The following CLVS2 variants were observed in gnomAD, a reference collection of about 807,000 sequenced individuals.
CLVS2 encodes the protein clavesin-2.
A neutral mutation model predicts 29.0 loss-of-function variants in CLVS2; 19 were observed. The ratio of observed to expected loss-of-function variants is 0.66; its 90% confidence interval spans 0.46 to 0.96. The LOEUF (loss-of-function observed/expected upper bound fraction) is 0.96. Ranked by LOEUF, CLVS2 falls within the 40% of genes least tolerant of loss-of-function variation. The probability of loss-of-function intolerance (pLI) is 0.00; values close to 1 mark genes in which losing one functional copy is unlikely to be tolerated. For synonymous variants in CLVS2, 161 were observed against 151.3 expected (o/e 1.06, Z -0.47); for missense variants, 294 against 404.1 (o/e 0.73, Z 2.34).
rs750382549 is a variant in CLVS2, at chr6:123,048,638, G to A, written c.581G>A (p.Arg194Gln). The A allele has an allele frequency of 1.2e-6, 2 of 1,611,784 alleles. No homozygotes were observed. Among genetic ancestry groups the A allele is most frequent in the Admixed American group, 1.7e-5 (1 of 59,912 alleles). The stretch of plus-strand genomic sequence containing the variant: ...TTACTCTAGGATAGTTTCCCAGCGC[G>A]ATTTGGAGGAATTCATTTTGTCAAT... Reference protein sequence around the residue: ...IEGLQDSFPARFGGIHFVNQP... With the variant: ...IEGLQDSFPAQFGGIHFVNQP... Residue 194 changes from arginine (R) to glutamine (Q), a missense_variant, in exon 4 of 6, where the codon CGA (arginine) becomes CAA (glutamine). Transcript: ENST00000275162.
chr6:122,997,923 C>G lies in CLVS2; in HGVS notation c.146C>G (p.Thr49Arg). 1 of 1,614,208 alleles carries G rather than the reference C, an allele frequency of 6.2e-7. No homozygotes were observed. The change falls in exon 2 of 6, where the codon ACG becomes AGG. Residue 49 changes from threonine to arginine, a missense_variant. Physicochemically the swap from Thr to Arg is moderately conservative, Grantham distance 71. Around this residue, in one of 2 missense-constraint regions of CLVS2, gnomAD observed 212 missense variants for 336.4 expected, o/e 0.63. Coordinates refer to ENST00000275162, the MANE Select transcript of CLVS2 (RefSeq NM_001010852.4). ...AGGCCGGACATTGGCTTTCTGCGCA[C>G]GGATGATGCCTTCATCTTACGCTTC... ...ITRPDIGFLR[T>R]DDAFILRFLR...
chr6:123,008,861 C>T (rs1774709163), intron 2 of CLVS2, among the ~76,000 whole-genome samples: 1 of 151,880 alleles, frequency 6.6e-6, no homozygotes, highest in Non-Finnish European at 1.5e-5. Context: ...ACACATGTTT[C>T]AGAGATTTAA....
At chr6:123,028,174 T>C (rs1432670097) in intron 3 of CLVS2, among the ~76,000 whole-genome samples, 1 of 152,194 alleles carries the variant, frequency 6.6e-6, no homozygotes, top group East Asian at 1.9e-4. Flanking sequence ...TGAATGTGAT[T>C]GTTCTCATTT....
intron 3 of CLVS2, among the ~76,000 whole-genome samples, chr6:123,045,948 G>T (rs1304668157): frequency 6.6e-6 from 1 of 152,146 alleles, no homozygotes; most frequent in Non-Finnish European, 1.5e-5. Flanking sequence ...AGGGAGGGAA[G>T]GCCACAGTAG....
chr6:123,028,163 C>T, intron 3 of CLVS2, among the ~76,000 whole-genome samples: 1 of 152,142 alleles, frequency 6.6e-6, no homozygotes, highest in East Asian at 1.9e-4. Flanking sequence ...CGGAGAGCAT[C>T]TGAATGTGAT....
chr6:123,041,446 G>T (rs6910409), intron 3 of CLVS2, among the ~76,000 whole-genome samples: 59,957 of 151,586 alleles, frequency 0.4, 12,192 homozygotes, highest in South Asian at 0.47. Context: ...TGTCACTTGG[G>T]CATTATCTCT....
In CLVS2 at chr6:123,067,714, T is replaced by C. The variant is rs951904517; in HGVS notation, c.*3953T>C. On this transcript the variant is annotated 3_prime_UTR_variant, in exon 6 of 6. Coordinates refer to ENST00000275162, the MANE Select transcript of CLVS2 (RefSeq NM_001010852.4). ...CTATATAAATACATAGCCTGAAACA[T>C]AGTAATGCATTTGAAATTTGTGAGG... The C allele has an allele frequency of 6.6e-6, 1 of 151,698 alleles. No individual in the cohort carries two copies. Among genetic ancestry groups the C allele is most frequent in the Admixed American group, 6.6e-5 (1 of 15,188 alleles). The allele number at this position is 151,698 out of a possible 1,614,324, so 9.4% of individuals were successfully genotyped here. A position where few individuals can be genotyped will look rare whatever the true frequency, so the allele number is the denominator to read the frequency against.
At chr6:123,037,412 C>G (rs1450890483) in intron 3 of CLVS2, among the ~76,000 whole-genome samples, 2 of 152,150 alleles carry the variant, frequency 1.3e-5, no homozygotes, top group Non-Finnish European at 2.9e-5. Context: ...CCTGCCAGTA[C>G]TAACAGCTTT....
chr6:123,056,457 A>G (rs1389870365), intron 5 of CLVS2, among the ~76,000 whole-genome samples: 1 of 152,142 alleles, frequency 6.6e-6, no homozygotes, highest in African/African-American at 2.4e-5. Context: ...TAGATTCCAC[A>G]TATAAGTGAA....
Position 123,031,415 on chromosome 6 carries a change from A to G in CLVS2, c.565-17207A>G, listed in dbSNP as rs569464117. On this transcript the variant is annotated intron_variant, in intron 3 of 5. Coordinates refer to ENST00000275162, the MANE Select transcript of CLVS2 (RefSeq NM_001010852.4). ...AGACACAAACTTTCAGTTATGCAAG[A>G]TGAATAGTTCTGGAGGTCTCATGTA... Among the ~76,000 whole-genome samples the G allele has an allele frequency of 1.3e-3, 198 of 152,306 alleles. 3 individuals are homozygous for G. The highest frequency in any genetic ancestry group is 4.5e-3 in the African/African-American group (189 of 41,560).
chr6:123,046,331 A>C (rs1008710761), intron 3 of CLVS2, among the ~76,000 whole-genome samples: 1 of 152,148 alleles, frequency 6.6e-6, no homozygotes, highest in African/African-American at 2.4e-5. Context: ...AGAGAAGAAG[A>C]AGCATGACCT....
intron 3 of CLVS2, among the ~76,000 whole-genome samples, chr6:123,018,279 T>C (rs1774868624): frequency 6.6e-6 from 1 of 152,042 alleles, no homozygotes; most frequent in Non-Finnish European, 1.5e-5. Flanking sequence ...AAATGCATCT[T>C]GATGTGTTCT....
In CLVS2 at chr6:123,068,393, A is replaced by G. The variant is rs1772894222; in HGVS notation, c.*4632A>G. 6.6e-6 allele frequency: 1 copy of G among 151,622 alleles called. No homozygotes were observed. The highest frequency in any genetic ancestry group is 1.5e-5 in the Non-Finnish European group (1 of 67,686). 9.4% of individuals were successfully genotyped at this position (151,622 alleles called of 1,614,324 possible). A position where few individuals can be genotyped will look rare whatever the true frequency, so the allele number is the denominator to read the frequency against. On this transcript the variant is annotated 3_prime_UTR_variant, in exon 6 of 6. Transcript: ENST00000275162. ...TGATATAGTGCATTTATTCTGTAAG[A>G]CTTATTTTACCTGGTGAACGAGATG... is the stretch of plus-strand genomic sequence containing the variant.
intron 3 of CLVS2, among the ~76,000 whole-genome samples, chr6:123,030,314 A>G (rs1775065293): frequency 6.6e-6 from 1 of 152,130 alleles, no homozygotes; most frequent in Admixed American, 6.5e-5. Context: ...TCTTGAATTC[A>G]TTGTGTAGTG....
intron 3 of CLVS2, among the ~76,000 whole-genome samples, chr6:123,040,769 AAAAAG>A (rs79565060): frequency 0.028 from 4,140 of 146,024 alleles, 136 homozygotes; most frequent in African/African-American, 0.081. Context: ...CTCCGTCTCA[AAAAAG>A]AAAAGAAAAG....
chr6:123,021,372 C>T (rs937944542), intron 3 of CLVS2, among the ~76,000 whole-genome samples: 5 of 151,866 alleles, frequency 3.3e-5, no homozygotes, highest in Admixed American at 1.3e-4. Flanking sequence ...CATTTAAGCA[C>T]GCAACCGGGA....
At chr6:123,027,194 G>C (rs1451787555) in intron 3 of CLVS2, among the ~76,000 whole-genome samples, 1 of 152,158 alleles carries the variant, frequency 6.6e-6, no homozygotes, top group African/African-American at 2.4e-5. Context: ...TCTATTTTAT[G>C]AAGAATGGAG....
At chr6:123,030,817 G>A (rs1775072941) in intron 3 of CLVS2, among the ~76,000 whole-genome samples, 1 of 135,358 alleles carries the variant, frequency 7.4e-6, no homozygotes. Context: ...TTAGTAAGGA[G>A]AATATATATA....
intron 3 of CLVS2, among the ~76,000 whole-genome samples, chr6:123,045,406 G>A (rs1365852400): frequency 6.6e-6 from 1 of 152,040 alleles, no homozygotes; most frequent in Non-Finnish European, 1.5e-5. Context: ...CAAGAAACTA[G>A]TGCCCACATT....
Sources: allele counts gnomAD v4.1 joint callset (sites outside exome capture counted in the v4.1 genomes callset), GRCh38; gene constraint gnomAD v4.1.1; regional missense constraint gnomAD v4.1.1; transcripts MANE v1.5; gene names NCBI Gene and HGNC (gene_info 2026-07-23, HGNC 2026-07-21).